The following SPRY3 variants were observed in gnomAD, a reference collection of about 807,000 sequenced individuals.
SPRY3 encodes protein sprouty homolog 3.
SPRY3 carries 15 observed loss-of-function variants against 20.2 expected under a neutral mutation model. That is an observed-to-expected ratio of 0.74 (90% CI 0.50 to 1.14). SPRY3 has a LOEUF of 1.14. Among genes scored for constraint, SPRY3 ranks in the 50% most tolerant of loss-of-function variants. The pLI is 0.00. For missense variants in SPRY3, 364 were observed against 363.9 expected (o/e 1.00, Z 0.00); for synonymous variants, 143 against 136.5 (o/e 1.05, Z -0.33).
At chrX:155,674,440 C>T (rs2068053383) in intron 2 of SPRY3, among the ~76,000 whole-genome samples, 1 of 110,769 alleles carries the variant, frequency 9.0e-6, no homozygotes, top group African/African-American at 3.3e-5. Flanking sequence ...TGTTGGGAAA[C>T]CTACTGCCTC....
chrX:155,781,708 G>T (rs1049219776), downstream of SPRY3: 1 of 167,026 alleles, frequency 6.0e-6, no homozygotes, highest in Non-Finnish European at 1.5e-5. Context: ...TTTTCTTAAT[G>T]TACAAGGTTC....
chrX:155,765,054 AC>A (rs1359178844), intron 2 of SPRY3, among the ~76,000 whole-genome samples: 1 of 152,150 alleles, frequency 6.6e-6, no homozygotes, highest in East Asian at 1.9e-4. Context: ...TTATAAGAGA[AC>A]TAATCCCATT....
chrX:155,756,785 G>C (rs2091285019), intron 2 of SPRY3, among the ~76,000 whole-genome samples: 2 of 151,994 alleles, frequency 1.3e-5, no homozygotes, highest in Non-Finnish European at 2.9e-5. Flanking sequence ...GGTACATTTA[G>C]ATACATACAC....
At chrX:155,764,417 A>G (rs2091316457) in intron 2 of SPRY3, among the ~76,000 whole-genome samples, 1 of 152,222 alleles carries the variant, frequency 6.6e-6, no homozygotes. Context: ...ATTTCTGTAT[A>G]TAATTGTACT....
At chrX:155,646,418 T>C (rs2067957891) in intron 1 of SPRY3, among the ~76,000 whole-genome samples, 1 of 112,184 alleles carries the variant, frequency 8.9e-6, no homozygotes, top group African/African-American at 3.2e-5. Context: ...TTCCAATCCA[T>C]GAAGTGTCTT....
At chrX:155,624,370 G>A (rs1395501623) in intron 1 of SPRY3, among the ~76,000 whole-genome samples, 1 of 111,867 alleles carries the variant, frequency 8.9e-6, no homozygotes, top group East Asian at 2.8e-4. Context: ...AATAATGTAT[G>A]TTTTAGATGA....
At chrX:155,622,423 C>T (rs782508352) in intron 1 of SPRY3, among the ~76,000 whole-genome samples, 5 of 111,717 alleles carry the variant, frequency 4.5e-5, no homozygotes, top group South Asian at 3.7e-4. Context: ...ACTGTCTCAG[C>T]GGCTTATTCT....
At position 155,638,529 on chromosome X, in the gene SPRY3, C is replaced by T. The variant is rs5983753; in HGVS notation, c.-440-18338C>T. 1.3e-3 allele frequency among the ~76,000 whole-genome samples: 143 copies of T among 106,326 alleles called. 1 individual carries two copies. The highest frequency in any genetic ancestry group is 4.8e-3 in the African/African-American group (139 of 28,878). The allele number at this position is 106,326 out of a possible 115,157, so 92.3% of individuals were successfully genotyped here. ...TTTGGTCTATTCTTGCACTATACAT[C>T]AAGTCCTAATTAAACTAGCTTCACC... is the stretch of plus-strand genomic sequence containing the variant. On this transcript the variant is annotated intron_variant, in intron 1 of 3. Coordinates refer to ENST00000675360, the Ensembl canonical transcript of SPRY3.
chrX:155,640,761 T>C (rs1443299824), intron 1 of SPRY3, among the ~76,000 whole-genome samples: 1 of 112,097 alleles, frequency 8.9e-6, no homozygotes, highest in Non-Finnish European at 1.9e-5. Context: ...GTACTGATTT[T>C]TGTATGTTGA....
intron 2 of SPRY3, among the ~76,000 whole-genome samples, chrX:155,678,414 T>G (rs1397082762): frequency 1.8e-5 from 2 of 111,991 alleles, no homozygotes; most frequent in Non-Finnish European, 3.8e-5. Flanking sequence ...AGTAAGACAC[T>G]GGCCTATCTA....
intron 1 of SPRY3, among the ~76,000 whole-genome samples, chrX:155,655,949 T>A (rs1348271157): frequency 8.9e-6 from 1 of 112,440 alleles, no homozygotes; most frequent in African/African-American, 3.2e-5. Flanking sequence ...CTCTTCTGGC[T>A]TGTTGCATTT....
chrX:155,686,108 C>G (rs2068087062), intron 2 of SPRY3, among the ~76,000 whole-genome samples: 2 of 111,994 alleles, frequency 1.8e-5, no homozygotes, highest in Admixed American at 9.5e-5. Context: ...TATTTCAGTT[C>G]TAAAATTTCT....
At chrX:155,662,703 A>AAAAAT (rs5904408) in intron 2 of SPRY3, among the ~76,000 whole-genome samples, 3 of 107,503 alleles carry the variant, frequency 2.8e-5, no homozygotes, top group East Asian at 2.9e-4. Flanking sequence ...AAAAAAAAAA[A>AAAAAT]CTCTACCACC....
intron 2 of SPRY3, among the ~76,000 whole-genome samples, chrX:155,711,923 A>G (rs2090989967): frequency 6.6e-6 from 1 of 151,500 alleles, no homozygotes; most frequent in Non-Finnish European, 1.5e-5. Context: ...TTCTTTCAAA[A>G]ACTTTTTGAA....
At chrX:155,720,020 CTT>C (rs2091046185) in intron 2 of SPRY3, among the ~76,000 whole-genome samples, 1 of 152,100 alleles carries the variant, frequency 6.6e-6, no homozygotes, top group Non-Finnish European at 1.5e-5. Flanking sequence ...GGACTTGGCT[CTT>C]TGATGGCATT....
In SPRY3 at chrX:155,774,681, C is replaced by A; in HGVS notation, c.810C>A (p.Cys270Ter). ...GCAAGAGGCACACCAACACTGTGTG[C>A]AGAAAGATCTCTTCTGGTAGTGCAC... Residue 270 changes from cysteine (C) to a stop codon, truncating the protein, a stop_gained, in exon 4 of 4, where the codon TGC becomes TGA. Transcript: ENST00000675360. LOFTEE classifies it high-confidence loss of function. The A allele has an allele frequency of 6.2e-7, 1 of 1,613,940 alleles. No homozygotes were observed. The highest frequency in any genetic ancestry group is 8.5e-7 in the Non-Finnish European group (1 of 1,179,830).
At chrX:155,679,097 A>G (rs1307300120) in intron 2 of SPRY3, among the ~76,000 whole-genome samples, 1 of 111,380 alleles carries the variant, frequency 9.0e-6, no homozygotes, top group Admixed American at 9.6e-5. Flanking sequence ...AGCTAATGTA[A>G]ATGATGAGTT....
At chrX:155,777,230 C>A (rs1265669677), downstream of SPRY3, 1 of 166,990 alleles carries the variant, frequency 6.0e-6, no homozygotes, top group African/African-American at 2.4e-5. Context: ...TCTAAGGATT[C>A]TCTGACACTA....
intron 1 of SPRY3, among the ~76,000 whole-genome samples, chrX:155,643,218 T>C (rs1273903006): frequency 1.8e-5 from 2 of 112,214 alleles, no homozygotes; most frequent in Non-Finnish European, 3.8e-5. Context: ...CCTTTATCAT[T>C]ATATAGTGAC....
Sources: gnomAD v4.1 joint callset for allele counts (sites outside exome capture counted in the v4.1 genomes callset) on GRCh38, gnomAD v4.1.1 for gene constraint, MANE v1.5 for transcripts, NCBI Gene and HGNC (gene_info 2026-07-23, HGNC 2026-07-21) for gene names.